The following CNOT4 variants were observed in gnomAD, a reference collection of about 807,000 sequenced individuals.
The protein encoded by CNOT4 is CCR4-NOT transcription complex subunit 4.
Under a neutral mutation model 73.8 loss-of-function variants are expected in CNOT4, and 8 were observed. The observed-to-expected ratio is 0.11, with a 90% CI of 0.06 to 0.20. The LOEUF (loss-of-function observed/expected upper bound fraction) is 0.20. Ranked by LOEUF, CNOT4 falls within the 10% of genes least tolerant of loss-of-function variation. The pLI is 1.00. For synonymous variants in CNOT4, 293 were observed against 321.1 expected, an observed-to-expected ratio of 0.91 and a Z score of 0.94; for missense variants, 564 against 883.4, an observed-to-expected ratio of 0.64 and a Z score of 4.58.
intron 3 of CNOT4, among the ~76,000 whole-genome samples, chr7:135,416,549 TAA>T (rs1484078856): frequency 6.6e-6 from 1 of 152,118 alleles, no homozygotes; most frequent in Admixed American, 6.6e-5. Context: ...TCAGGGTTGA[TAA>T]AGAGAGAAGA....
At chr7:135,494,590 T>C (rs374622435) in intron 1 of CNOT4, among the ~76,000 whole-genome samples, 20 of 151,978 alleles carry the variant, frequency 1.3e-4, no homozygotes, top group African/African-American at 4.6e-4. Flanking sequence ...ACCTATTATG[T>C]GCCAAGTACT....
intron 2 of CNOT4, among the ~76,000 whole-genome samples, chr7:135,433,648 A>G (rs1798986201): frequency 6.6e-6 from 1 of 151,962 alleles, no homozygotes; most frequent in East Asian, 1.9e-4. Flanking sequence ...ATGAGCCACC[A>G]TGTCCAAACC....
chr7:135,482,409 G>A (rs978640890), intron 1 of CNOT4, among the ~76,000 whole-genome samples: 3 of 151,572 alleles, frequency 2.0e-5, no homozygotes, highest in South Asian at 2.1e-4. Flanking sequence ...ATTAAAAATC[G>A]GTCAGGTGTG....
At chr7:135,492,437 T>C (rs1803170455) in intron 1 of CNOT4, among the ~76,000 whole-genome samples, 1 of 152,218 alleles carries the variant, frequency 6.6e-6, no homozygotes, top group Non-Finnish European at 1.5e-5. Flanking sequence ...GATTGAATTA[T>C]ACAAGGTAAG....
chr7:135,487,926 G>A (rs1431184356), intron 1 of CNOT4, among the ~76,000 whole-genome samples: 3 of 151,844 alleles, frequency 2.0e-5, no homozygotes, highest in South Asian at 2.1e-4. Context: ...GCATGGTGGC[G>A]GGCACCTGTA....
chr7:135,504,462 A>ATTTTTTTTT (rs34100799), intron 1 of CNOT4, among the ~76,000 whole-genome samples: 10 of 55,940 alleles, frequency 1.8e-4, no homozygotes, highest in East Asian at 1.0e-3. Context: ...CATCCGGCTA[A>ATTTTTTTTT]TTTTTTTTTT....
chr7:135,480,186 T>C (rs527583136), intron 1 of CNOT4, among the ~76,000 whole-genome samples: 2 of 152,180 alleles, frequency 1.3e-5, no homozygotes, highest in Admixed American at 1.3e-4. Context: ...AGTCTGGGAG[T>C]AAAGAATAAC....
intron 2 of CNOT4, among the ~76,000 whole-genome samples, chr7:135,426,011 A>G (rs1798473974): frequency 2.6e-5 from 4 of 151,830 alleles, no homozygotes; most frequent in Non-Finnish European, 4.4e-5. Context: ...GAGGATTGCA[A>G]GACAGCCTGA....
chr7:135,378,455 C>T (rs1349119156), intron 10 of CNOT4, among the ~76,000 whole-genome samples: 1 of 150,930 alleles, frequency 6.6e-6, no homozygotes, highest in East Asian at 2.0e-4. Flanking sequence ...AGTGAGCCGA[C>T]GTCGCACCAC....
intron 10 of CNOT4, chr7:135,386,484 T>C (rs1407752572): frequency 6.6e-6 from 1 of 152,232 alleles, no homozygotes; most frequent in Non-Finnish European, 1.5e-5. Context: ...ATTTGCTTGC[T>C]ATGTGAAGTA....
intron 1 of CNOT4, among the ~76,000 whole-genome samples, chr7:135,480,482 G>T (rs1425550755): frequency 1.3e-5 from 2 of 152,104 alleles, no homozygotes. Context: ...AGTCCTATTT[G>T]ATTAACTTCC....
At position 135,361,814 on chromosome 7, in the gene CNOT4, GTTTTA is replaced by G. The variant is rs1429946395; in HGVS notation, c.*1066_*1070del. 6.6e-6 allele frequency: 1 copy of G among 152,608 alleles called. No homozygotes were observed. The highest frequency in any genetic ancestry group is 1.5e-5 in the Non-Finnish European group (1 of 68,020). 9.5% of individuals were successfully genotyped at this position (152,608 alleles called of 1,614,324 possible). A position where few individuals can be genotyped will look rare whatever the true frequency, so the allele number is the denominator to read the frequency against. ...CCCAAGTGTCACCATCAAGTTTTCT[GTTTTA>G]TTTAAGATTTTAGTTTTAATTCTGA... On this transcript the variant is annotated 3_prime_UTR_variant, in exon 12 of 12. Transcript: ENST00000541284.
intron 1 of CNOT4, among the ~76,000 whole-genome samples, chr7:135,481,588 C>A (rs1229456737): frequency 2.6e-5 from 4 of 152,158 alleles, no homozygotes; most frequent in Non-Finnish European, 4.4e-5. Context: ...GGCAATCCCA[C>A]CACTGTATTT....
chr7:135,443,901 C>T (rs897090252), intron 1 of CNOT4, among the ~76,000 whole-genome samples: 4 of 152,104 alleles, frequency 2.6e-5, no homozygotes, highest in Admixed American at 2.0e-4. Flanking sequence ...ACAGTCCTAG[C>T]ACTTTGGGAG....
intron 1 of CNOT4, among the ~76,000 whole-genome samples, chr7:135,443,390 A>G (rs765504992): frequency 6.6e-6 from 1 of 151,904 alleles, no homozygotes. Flanking sequence ...TACATGATCC[A>G]ATCCTCACAG....
chr7:135,448,115 G>T (rs1461517402), intron 1 of CNOT4, among the ~76,000 whole-genome samples: 1 of 152,184 alleles, frequency 6.6e-6, no homozygotes, highest in Admixed American at 6.5e-5. Context: ...CAGGGCAACA[G>T]AAGTCACTAA....
chr7:135,374,879 G>C (rs1039936698), intron 10 of CNOT4, among the ~76,000 whole-genome samples: 8 of 152,156 alleles, frequency 5.3e-5, no homozygotes, highest in African/African-American at 1.7e-4. Flanking sequence ...TATGGGAAAA[G>C]GTCTAGTGGT....
chr7:135,456,199 T>C (rs1188362525), intron 1 of CNOT4, among the ~76,000 whole-genome samples: 8 of 152,220 alleles, frequency 5.3e-5, no homozygotes, highest in Non-Finnish European at 7.3e-5. Context: ...TCTACGGACA[T>C]TGAAAACTGA....
In CNOT4 at chr7:135,443,015, C is replaced by T. The variant is rs543239379; in HGVS notation, c.-92-4592G>A. ...TCGCGGCTGTAGTGAGCCATGTTCA[C>T]GCCACTGTACTCTAGCCTGGGTGAT... On this transcript the variant is annotated intron_variant, in intron 1 of 11. Coordinates refer to ENST00000541284, the MANE Select transcript of CNOT4 (RefSeq NM_001190850.2). Among the ~76,000 whole-genome samples the T allele has an allele frequency of 1.6e-4, 24 of 152,000 alleles. No homozygotes were observed. The South Asian group carries it at 2.7e-3, about 17-fold the overall frequency.
Sources: allele counts gnomAD v4.1 joint callset (sites outside exome capture counted in the v4.1 genomes callset), GRCh38; gene constraint gnomAD v4.1.1; transcripts MANE v1.5; gene names NCBI Gene and HGNC (gene_info 2026-07-23, HGNC 2026-07-21).